Variants in UNC50 observed in about 807,000 individuals in gnomAD.
UNC50 encodes the protein unc-50 inner nuclear membrane RNA binding protein.
Under a neutral mutation model 31.5 loss-of-function variants are expected in UNC50, and 24 were observed. The observed-to-expected ratio is 0.76, with a 90% CI of 0.55 to 1.07. The LOEUF is 1.07. Ranked by LOEUF, UNC50 falls within the 50% of genes least tolerant of loss-of-function variation. The pLI is 0.00. For synonymous variants in UNC50, 118 were observed against 114.7 expected (o/e 1.03, Z -0.18); for missense variants, 245 against 304.2 (o/e 0.81, Z 1.45).
At chr2:98,611,302 G>A (rs1436513840) in intron 3 of UNC50, among the ~76,000 whole-genome samples, 1 of 152,182 alleles carries the variant, frequency 6.6e-6, no homozygotes, top group Non-Finnish European at 1.5e-5. Context: ...GTCAATATGT[G>A]TAAAATGTAC....
intron 5 of UNC50, 44 bp from the exon 6 acceptor site, chr2:98,618,124 T>TTA: frequency 8.1e-6 from 6 of 743,830 alleles, no homozygotes; most frequent in South Asian, 8.0e-5. Flanking sequence ...TAGTCATTTA[T>TTA]TTTTTTTTTT....
intron 5 of UNC50, among the ~76,000 whole-genome samples, chr2:98,616,788 A>AT (rs1700929608): frequency 6.6e-6 from 1 of 152,188 alleles, no homozygotes; most frequent in South Asian, 2.1e-4. Flanking sequence ...TATATAACAG[A>AT]TTTTATACTT....
Position 98,618,360 on chromosome 2 carries a change from T to G in UNC50, c.*56T>G, listed in dbSNP as rs931162816. ...GTCAACAGTATTGTGAAGTGATCAT[T>G]TCTTGTAAAACTTGTAAATAAACTA... On this transcript the variant is annotated 3_prime_UTR_variant, in exon 6 of 6. Transcript: ENST00000357765. The G allele has an allele frequency of 3.7e-5, 55 of 1,500,692 alleles. No individual in the cohort carries two copies. Among genetic ancestry groups the G allele is most frequent in the Admixed American group, 4.8e-5 (2 of 41,678 alleles). 93.0% of individuals were successfully genotyped at this position (1,500,692 alleles called of 1,614,324 possible).
chr2:98,614,065 A>T (rs546351010), intron 3 of UNC50, among the ~76,000 whole-genome samples: 35 of 152,318 alleles, frequency 2.3e-4, no homozygotes, highest in Middle Eastern at 3.4e-3. Flanking sequence ...ATTGGACTTT[A>T]TCTCATAGAC....
chr2:98,608,860 A>G (rs1388986258), intron 1 of UNC50, 134 bp downstream of exon 1: 1 of 254,226 alleles, frequency 3.9e-6, no homozygotes, highest in Non-Finnish European at 7.8e-6. Context: ...TCGGCCGGCG[A>G]TAGAGTTGCG....
intron 5 of UNC50, among the ~76,000 whole-genome samples, chr2:98,617,586 G>A (rs762057629): frequency 4.6e-5 from 7 of 152,120 alleles, no homozygotes; most frequent in African/African-American, 1.2e-4. Flanking sequence ...TACTTAGGTC[G>A]GGATGCATGG....
chr2:98,610,707 A>G, intron 2 of UNC50, 68 bp from the exon 3 acceptor site: 2 of 1,568,012 alleles, frequency 1.3e-6, no homozygotes, highest in Non-Finnish European at 1.7e-6. Flanking sequence ...CTGGAGGGCA[A>G]GGGATGTGTC....
intron 4 of UNC50, 40 bp downstream of exon 4, chr2:98,616,386 T>C (rs1343330266): frequency 6.2e-7 from 1 of 1,613,818 alleles, no homozygotes; most frequent in Non-Finnish European, 8.5e-7. Flanking sequence ...AAGTCTTCAT[T>C]GCATGCATTG....
intron 5 of UNC50, among the ~76,000 whole-genome samples, 188 bp downstream of exon 5, chr2:98,616,721 G>A (rs1302777082): frequency 6.6e-6 from 1 of 152,180 alleles, no homozygotes; most frequent in Non-Finnish European, 1.5e-5. Context: ...AGGAAACTGA[G>A]GCAGAGAGAT....
chr2:98,615,505 T>C (rs1306868659), intron 3 of UNC50, among the ~76,000 whole-genome samples: 1 of 152,172 alleles, frequency 6.6e-6, no homozygotes, highest in East Asian at 1.9e-4. Flanking sequence ...TCCTTGAGTA[T>C]TTTTTTCTCA....
At position 98,609,548 on chromosome 2, in the gene UNC50, T is replaced by C. The variant is rs1032945010; in HGVS notation, c.-4-208T>C. The C allele has an allele frequency of 2.8e-5, 19 of 682,374 alleles. No individual in the cohort carries two copies. The African/African-American group carries it at 3.0e-4, about 11-fold the overall frequency. 42.3% of individuals were successfully genotyped at this position (682,374 alleles called of 1,614,324 possible). A position where few individuals can be genotyped will look rare whatever the true frequency, so the allele number is the denominator to read the frequency against. ...TTAGGTGATTCAGAAGGGTGGGCTG[T>C]TGCCCTTGCCTGAGGTTGCAGTCTG... is the stretch of plus-strand genomic sequence containing the variant. On this transcript the variant is annotated intron_variant, in intron 1 of 5. Coordinates refer to ENST00000357765, the MANE Select transcript of UNC50 (RefSeq NM_014044.7).
At chr2:98,613,007 AC>A (rs1326802952) in intron 3 of UNC50, among the ~76,000 whole-genome samples, 2 of 152,172 alleles carry the variant, frequency 1.3e-5, no homozygotes, top group Non-Finnish European at 2.9e-5. Flanking sequence ...GTTGCCACAA[AC>A]CTTCAATACG....
rs772831405 is a variant in UNC50, at chr2:98,618,353, T to C, written c.*49T>C. 6.6e-7 allele frequency: 1 copy of C among 1,507,350 alleles called. No homozygotes were observed. Among genetic ancestry groups the C allele is most frequent in the Non-Finnish European group, 8.9e-7 (1 of 1,127,350 alleles). The allele number at this position is 1,507,350 out of a possible 1,614,324, so 93.4% of individuals were successfully genotyped here. ...TAACTGTGTCAACAGTATTGTGAAG[T>C]GATCATTTCTTGTAAAACTTGTAAA... On this transcript the variant is annotated 3_prime_UTR_variant, in exon 6 of 6. Coordinates refer to ENST00000357765, the MANE Select transcript of UNC50 (RefSeq NM_014044.7).
At position 98,616,222 on chromosome 2, in the gene UNC50, G is replaced by C; in HGVS notation, c.417G>C (p.Lys139Asn). Reference sequence around the variant, plus strand: ...TTGCTCTTAGGTTCATCTCTAACAAGTATTTAGTGAAACGACAGAGCAGAG... The same window carrying C: ...TTGCTCTTAGGTTCATCTCTAACAACTATTTAGTGAAACGACAGAGCAGAG... ...IATLMWFISN[K>N]YLVKRQSRDY... The change falls in exon 4 of 6, where the codon AAG (lysine) becomes AAC (asparagine). Residue 139 changes from lysine (K) to asparagine (N), a missense_variant. Transcript: ENST00000357765. The C allele has an allele frequency of 6.2e-7, 1 of 1,612,312 alleles. No individual in the cohort carries two copies. Among genetic ancestry groups the C allele is most frequent in the Non-Finnish European group, 8.5e-7 (1 of 1,179,500 alleles).
At position 98,609,927 on chromosome 2, in the gene UNC50, G is replaced by C. The variant is rs895727771; in HGVS notation, c.168G>C (p.Leu56=). Residue 56 remains leucine, a synonymous_variant, in exon 2 of 6, where the codon CTG becomes CTC. Transcript: ENST00000357765. ...FEFAAWQMLY[L]FTSPQRVYRN... Reference sequence around the variant, plus strand: ...TTGCTGCCTGGCAGATGCTCTACCTGTTCACATCCCCACAGAGAGTTTACA... The same window carrying C: ...TTGCTGCCTGGCAGATGCTCTACCTCTTCACATCCCCACAGAGAGTTTACA... 6.2e-7 allele frequency: 1 copy of C among 1,614,050 alleles called. No homozygotes were observed.
At chr2:98,611,349 C>T (rs72823796) in intron 3 of UNC50, among the ~76,000 whole-genome samples, 39,319 of 152,088 alleles carry the variant, frequency 0.26, 5,122 homozygotes, top group Middle Eastern at 0.33. Context: ...AGGCAGGTTA[C>T]AGTTAGATAA....
chr2:98,609,482 T>C (rs1700781041), intron 1 of UNC50: 1 of 530,050 alleles, frequency 1.9e-6, no homozygotes, highest in Non-Finnish European at 3.4e-6. Context: ...AGTCACATCA[T>C]CCCTGTCTCT....
chr2:98,616,148 G>T, intron 3 of UNC50, 59 bp from the exon 4 acceptor site: 1 of 1,534,616 alleles, frequency 6.5e-7, no homozygotes. Context: ...ATAGAAAGTC[G>T]TCAGTAAACA....
intron 3 of UNC50, 55 bp downstream of exon 3, chr2:98,610,950 G>A (rs1034582732): frequency 7.1e-6 from 11 of 1,555,442 alleles, no homozygotes; most frequent in Non-Finnish European, 9.6e-6. Flanking sequence ...CCATTTGTTT[G>A]CTTCAGAGGT....
Sources: gnomAD v4.1 joint callset for allele counts (sites outside exome capture counted in the v4.1 genomes callset) on GRCh38, gnomAD v4.1.1 for gene constraint, MANE v1.5 for transcripts, NCBI Gene and HGNC (gene_info 2026-07-23, HGNC 2026-07-21) for gene names.